ZSCAN4: variants seen among roughly 807,000 people sequenced by gnomAD.
The protein encoded by ZSCAN4 is zinc finger and SCAN domain containing 4, also known as zinc finger and SCAN domain-containing protein 4.
Under a neutral mutation model 18.3 loss-of-function variants are expected in ZSCAN4, and 18 were observed. The ratio of observed to expected loss-of-function variants is 0.98; its 90% CI spans 0.68 to 1.46. ZSCAN4 has a LOEUF of 1.46. ZSCAN4 is among the 40% of genes most tolerant of loss of function. The pLI, the probability that ZSCAN4 is intolerant of heterozygous loss-of-function variation, is 0.00. For missense variants in ZSCAN4, 498 were observed against 511.4 expected (o/e 0.97, Z 0.25); for synonymous variants, 193 against 180.3 (o/e 1.07, Z -0.57).
At chr19:57,653,470 TA>T in the ZSCAN4 span, among the ~76,000 whole-genome samples, 2 of 151,392 alleles carry the variant, frequency 1.3e-5, no homozygotes, top group Non-Finnish European at 2.9e-5. Context: ...ATACACCACC[TA>T]AAGCCCTCAG....
At chr19:57,674,935 A>G (rs116539876) in intron 2 of ZSCAN4, among the ~76,000 whole-genome samples, 3,241 of 150,090 alleles carry the variant, frequency 0.022, 127 homozygotes, top group African/African-American at 0.075. Context: ...TAACTACTTT[A>G]TAAAATATTT....
upstream of ZSCAN4, chr19:57,664,371 G>A (rs1052356602): frequency 3.3e-5 from 5 of 152,828 alleles, no homozygotes; most frequent in Non-Finnish European, 5.9e-5. Flanking sequence ...GGCGCGGGGC[G>A]GCTCTAGGCG....
At chr19:57,675,978 G>T in intron 2 of ZSCAN4, 63 bp from the exon 3 acceptor site, 2 of 640,796 alleles carry the variant, frequency 3.1e-6, no homozygotes, top group Non-Finnish European at 5.2e-6. Context: ...CTAACTTTTT[G>T]GTTGATTTGT....
chr19:57,677,123 A>G (rs1984210466), intron 3 of ZSCAN4, among the ~76,000 whole-genome samples: 1 of 152,242 alleles, frequency 6.6e-6, no homozygotes, highest in South Asian at 2.1e-4. Flanking sequence ...TGTCTTGACA[A>G]GAGCTTGTTC....
chr19:57,662,179 T>C, the ZSCAN4 span, among the ~76,000 whole-genome samples: 3 of 152,034 alleles, frequency 2.0e-5, no homozygotes, highest in Non-Finnish European at 4.4e-5. Flanking sequence ...AAACATAAAA[T>C]TTCTTACAGA....
intron 2 of ZSCAN4, among the ~76,000 whole-genome samples, chr19:57,675,099 C>T (rs964345937): frequency 6.7e-6 from 1 of 149,232 alleles, no homozygotes; most frequent in Non-Finnish European, 1.5e-5. Flanking sequence ...GGTTTACAGG[C>T]ACGTGCCACC....
intron 1 of ZSCAN4, among the ~76,000 whole-genome samples, chr19:57,669,909 T>C (rs143962020): frequency 1.3e-4 from 20 of 152,038 alleles, no homozygotes; most frequent in African/African-American, 4.8e-4. Flanking sequence ...GCTTTGTTGC[T>C]CAGGCTAGGG....
chr19:57,678,394 A>G, exon 5 of ZSCAN4: 2 of 1,614,172 alleles, frequency 1.2e-6, no homozygotes, highest in Non-Finnish European at 1.7e-6. Context: ...ATCACTTTCC[A>G]AGGTGTCCCT....
chr19:57,666,422 T>G (rs1353446366), upstream of ZSCAN4, among the ~76,000 whole-genome samples: 1 of 152,168 alleles, frequency 6.6e-6, no homozygotes, highest in Non-Finnish European at 1.5e-5. Context: ...GGTGCAGGGC[T>G]GCCTCGGAAG....
At chr19:57,654,227 C>T in the ZSCAN4 span, among the ~76,000 whole-genome samples, 1 of 152,102 alleles carries the variant, frequency 6.6e-6, no homozygotes, top group African/African-American at 2.4e-5. Context: ...CCTCAATGTC[C>T]CACCCCTATT....
the ZSCAN4 span, among the ~76,000 whole-genome samples, chr19:57,662,552 G>T: frequency 5.9e-5 from 9 of 152,010 alleles, no homozygotes; most frequent in Admixed American, 2.6e-4. Flanking sequence ...GAGAGATTTG[G>T]TTTTTTGTTT....
intron 2 of ZSCAN4, among the ~76,000 whole-genome samples, chr19:57,671,496 G>GA (rs35157527): frequency 0.33 from 44,306 of 134,392 alleles, 7,551 homozygotes; most frequent in Non-Finnish European, 0.4. Flanking sequence ...GGTTCCACAG[G>GA]AAAAAAAAAA....
upstream of ZSCAN4, among the ~76,000 whole-genome samples, chr19:57,667,437 T>A (rs539298390): frequency 6.6e-6 from 1 of 152,350 alleles, no homozygotes; most frequent in African/African-American, 2.4e-5. Context: ...GCCAAGGTAC[T>A]GAACTTCTCT....
the ZSCAN4 span, among the ~76,000 whole-genome samples, chr19:57,652,549 C>A: frequency 0.039 from 5,950 of 152,186 alleles, 190 homozygotes; most frequent in Non-Finnish European, 0.059. Flanking sequence ...TGCCCTTGAA[C>A]CCCTCCTCAC....
chr19:57,658,664 T>C, the ZSCAN4 span, among the ~76,000 whole-genome samples: 1 of 151,620 alleles, frequency 6.6e-6, no homozygotes, highest in Non-Finnish European at 1.5e-5. Flanking sequence ...CGAAACCCCG[T>C]CCCTACTAAA....
intron 2 of ZSCAN4, among the ~76,000 whole-genome samples, chr19:57,675,208 C>G (rs1182513812): frequency 7.3e-6 from 1 of 136,492 alleles, no homozygotes; most frequent in Non-Finnish European, 1.5e-5. Context: ...AGTGCAGTGG[C>G]GCAATCTTGA....
intron 2 of ZSCAN4, among the ~76,000 whole-genome samples, chr19:57,675,170 CG>C (rs1310876892): frequency 1.7e-5 from 2 of 116,674 alleles, no homozygotes; most frequent in Non-Finnish European, 3.3e-5. Context: ...TTTTTTGAGA[CG>C]GAGTCTTGCT....
intron 2 of ZSCAN4, among the ~76,000 whole-genome samples, chr19:57,671,440 T>A (rs565732939): frequency 2.4e-4 from 34 of 140,816 alleles, no homozygotes; most frequent in Non-Finnish European, 3.8e-4. Flanking sequence ...GGGTGGGTAA[T>A]CCAAAAAGAG....
At chr19:57,651,658 G>C in the ZSCAN4 span, among the ~76,000 whole-genome samples, 3 of 152,126 alleles carry the variant, frequency 2.0e-5, no homozygotes, top group Non-Finnish European at 2.9e-5. Flanking sequence ...TCTGAAACCC[G>C]GGACGACGCT....
Sources: allele counts gnomAD v4.1 joint callset (sites outside exome capture counted in the v4.1 genomes callset), GRCh38; gene constraint gnomAD v4.1.1; transcripts MANE v1.5; gene names NCBI Gene and HGNC (gene_info 2026-07-23, HGNC 2026-07-21).